Variants in ZNF329 observed in about 807,000 individuals in gnomAD.
The protein encoded by ZNF329 is zinc finger protein 329.
Under a neutral mutation model 26.6 loss-of-function variants are expected in ZNF329, and 15 were observed. The ratio of observed to expected loss-of-function variants is 0.56; its 90% CI spans 0.38 to 0.87. ZNF329 has a LOEUF of 0.87. Ranked by LOEUF, ZNF329 falls within the 40% of genes least tolerant of loss-of-function variation. ZNF329 has a pLI of 0.00. For missense variants in ZNF329, 651 were observed against 651.9 expected (o/e 1.00, Z 0.02); for synonymous variants, 239 against 233.5 (o/e 1.02, Z -0.21).
rs11355450 is a variant in ZNF329, at chr19:58,137,058, T to TAAA, written c.-9+5496_-9+5498dup. ...ACCTTCAACACCTTGTAAGTACAGA[T>TAAA]AAAAAAAAAAAAAAAACAGTTTAAA... is the stretch of plus-strand genomic sequence containing the variant. On this transcript the variant is annotated intron_variant, in intron 3 of 3. Coordinates refer to ENST00000598312, the MANE Select transcript of ZNF329 (RefSeq NM_024620.4). The TAAA allele has an allele frequency of 2.2e-3, 271 of 123,902 alleles. 7 individuals carry two copies. The East Asian group carries it at 0.051, about 23-fold the overall frequency. 7.7% of individuals were successfully genotyped at this position (123,902 alleles called of 1,614,324 possible). A position where few individuals can be genotyped will look rare whatever the true frequency, so the allele number is the denominator to read the frequency against.
In ZNF329 at chr19:58,128,968, T is replaced by G. The variant is rs764033889; in HGVS notation, c.536A>C (p.Asn179Thr). 1 of 1,613,376 alleles carries G rather than the reference T, an allele frequency of 6.2e-7. No individual in the cohort carries two copies. The highest frequency in any genetic ancestry group is 8.5e-7 in the Non-Finnish European group (1 of 1,179,756). The change falls in exon 4 of 4, where the codon AAT (asparagine) becomes ACT (threonine). Residue 179 changes from asparagine to threonine, a missense_variant. Physicochemically the swap from Asn to Thr is moderately conservative, Grantham distance 65. Transcript: ENST00000598312. ...GCTCAGAGTAAAGATGTTCTCAAAATTCTTACCTTCATACGATTTCTTGCC... is the reference window on the plus strand; with the variant it reads ...GCTCAGAGTAAAGATGTTCTCAAAAGTCTTACCTTCATACGATTTCTTGCC... ...KRGKKSYEGK[N>T]FENIFTLSSS...
At chr19:58,131,892 G>A (rs1017865678) in intron 3 of ZNF329, among the ~76,000 whole-genome samples, 78 of 151,596 alleles carry the variant, frequency 5.1e-4, no homozygotes, top group African/African-American at 1.8e-3. Context: ...GCGTGGTGGC[G>A]GGCGCCTGTA....
rs367618417 is a variant in ZNF329 at position 58,128,420 on chromosome 19, C to T, written c.1084G>A (p.Glu362Lys). The stretch of plus-strand genomic sequence containing the variant: ...GGCTTTTCTCCAGTGTGAGTCCTCT[C>T]ATGCTGGGTGAGGTACGAGCCGTCC... ...FRDGSYLTQH[E>K]RTHTGEKPFE... Residue 362 changes from glutamate to lysine, a missense_variant, in exon 4 of 4, where the codon GAG (glutamate) becomes AAG (lysine). By Grantham distance (56) the Glu-to-Lys change is moderately conservative. Coordinates refer to ENST00000598312, the MANE Select transcript of ZNF329 (RefSeq NM_024620.4). 1.9e-6 allele frequency: 3 copies of T among 1,613,810 alleles called. No individual in the cohort carries two copies. The highest frequency in any genetic ancestry group is 2.2e-5 in the East Asian group (1 of 44,830).
intron 1 of ZNF329, among the ~76,000 whole-genome samples, chr19:58,150,424 T>C (rs1441221409): frequency 6.6e-6 from 1 of 151,940 alleles, no homozygotes; most frequent in Admixed American, 6.6e-5. Flanking sequence ...GGCAAAACAG[T>C]CTCTATGGGA....
chr19:58,148,463 AG>A (rs1373834267), intron 1 of ZNF329, among the ~76,000 whole-genome samples: 2 of 151,294 alleles, frequency 1.3e-5, no homozygotes, highest in Non-Finnish European at 2.9e-5. Context: ...TCAGATTGGC[AG>A]GAAAAAAAAA....
At chr19:58,147,527 C>T (rs1414506629) in intron 1 of ZNF329, among the ~76,000 whole-genome samples, 1 of 146,900 alleles carries the variant, frequency 6.8e-6, no homozygotes, top group Admixed American at 6.6e-5. Flanking sequence ...CGGCCAGCCG[C>T]CCCGCCCGGG....
chr19:58,138,376 C>T (rs1364898018), intron 3 of ZNF329, among the ~76,000 whole-genome samples: 2 of 152,192 alleles, frequency 1.3e-5, no homozygotes, highest in African/African-American at 4.8e-5. Flanking sequence ...ACACCTTAAA[C>T]ATCAGAAAAA....
At chr19:58,132,828 T>C (rs987918425) in intron 3 of ZNF329, among the ~76,000 whole-genome samples, 2 of 151,824 alleles carry the variant, frequency 1.3e-5, no homozygotes, top group Non-Finnish European at 2.9e-5. Flanking sequence ...TTTCTTTTTT[T>C]TTGAGACAGA....
chr19:58,152,572 C>T (rs906055748), upstream of ZNF329, among the ~76,000 whole-genome samples: 4 of 152,032 alleles, frequency 2.6e-5, no homozygotes, highest in African/African-American at 7.2e-5. Context: ...AAAGAACAGT[C>T]GGAGACCGGA....
upstream of ZNF329, among the ~76,000 whole-genome samples, chr19:58,153,454 G>A (rs1382844813): frequency 6.6e-6 from 1 of 152,128 alleles, no homozygotes; most frequent in African/African-American, 2.4e-5. Context: ...ATCTTTTTCT[G>A]TGAAAAGCCC....
intron 3 of ZNF329, 139 bp from the exon 4 acceptor site, chr19:58,129,650 G>A: frequency 3.8e-6 from 3 of 799,832 alleles, no homozygotes; most frequent in Non-Finnish European, 5.7e-6. Context: ...ATACAAGGAA[G>A]AGGTAAAATC....
chr19:58,152,686 G>C (rs2075478748), upstream of ZNF329, among the ~76,000 whole-genome samples: 1 of 152,046 alleles, frequency 6.6e-6, no homozygotes, highest in Non-Finnish European at 1.5e-5. Context: ...TGTGAAACCT[G>C]TCTCTACTAA....
intron 3 of ZNF329, among the ~76,000 whole-genome samples, chr19:58,134,648 A>C (rs1266469859): frequency 1.3e-5 from 2 of 152,206 alleles, no homozygotes; most frequent in Non-Finnish European, 2.9e-5. Context: ...CTCAAAACAC[A>C]GAGCAGGCCG....
chr19:58,134,387 T>C (rs1568663415), intron 3 of ZNF329, among the ~76,000 whole-genome samples: 1 of 152,138 alleles, frequency 6.6e-6, no homozygotes, highest in South Asian at 2.1e-4. Flanking sequence ...ACAGACTAAA[T>C]ACAAAGTGTA....
chr19:58,145,611 T>C (rs2075290941), intron 1 of ZNF329, among the ~76,000 whole-genome samples: 1 of 152,148 alleles, frequency 6.6e-6, no homozygotes, highest in Admixed American at 6.5e-5. Context: ...CGCGAGCCAC[T>C]GCGCCAAGCC....
At chr19:58,130,031 A>G (rs547515760) in intron 3 of ZNF329, among the ~76,000 whole-genome samples, 15 of 152,216 alleles carry the variant, frequency 9.9e-5, no homozygotes, top group Non-Finnish European at 2.1e-4. Flanking sequence ...AGAACTGTCA[A>G]TGACCTGGCG....
chr19:58,134,468 T>G (rs931135318), intron 3 of ZNF329, among the ~76,000 whole-genome samples: 2 of 152,190 alleles, frequency 1.3e-5, no homozygotes, highest in African/African-American at 4.8e-5. Flanking sequence ...CATTAGACTG[T>G]ATTAAAAAAC....
At chr19:58,147,465 AG>A (rs1403722372) in intron 1 of ZNF329, among the ~76,000 whole-genome samples, 2 of 135,856 alleles carry the variant, frequency 1.5e-5, no homozygotes, top group African/African-American at 6.0e-5. Flanking sequence ...CCGGGAGGTG[AG>A]GGGCGCCTCT....
At chr19:58,142,010 G>A (rs1279101088) in intron 3 of ZNF329, among the ~76,000 whole-genome samples, 1 of 152,092 alleles carries the variant, frequency 6.6e-6, no homozygotes, top group Non-Finnish European at 1.5e-5. Context: ...AGTGAGCCCT[G>A]ATCGTGCCAC....
Sources: gnomAD v4.1 joint callset for allele counts (sites outside exome capture counted in the v4.1 genomes callset) on GRCh38, gnomAD v4.1.1 for gene constraint, MANE v1.5 for transcripts, NCBI Gene and HGNC (gene_info 2026-07-23, HGNC 2026-07-21) for gene names.